LRRTM4: variants seen among roughly 807,000 people sequenced by gnomAD.
LRRTM4 encodes leucine-rich repeat transmembrane neuronal protein 4.
Under a neutral mutation model 47.6 loss-of-function variants are expected in LRRTM4, and 25 were observed. That is an observed-to-expected ratio of 0.53 (90% CI 0.38 to 0.73). The LOEUF is 0.73. Among genes scored for constraint, LRRTM4 ranks in the 30% least tolerant of loss-of-function variants. The pLI is 0.00. For synonymous variants in LRRTM4, 311 were observed against 269.5 expected (o/e 1.15, Z -1.51); for missense variants, 638 against 713.4 (o/e 0.89, Z 1.20).
intron 3 of LRRTM4, among the ~76,000 whole-genome samples, chr2:76,846,014 C>G (rs957812638): frequency 5.9e-5 from 9 of 151,974 alleles, no homozygotes; most frequent in African/African-American, 2.4e-5. Context: ...ACGGTATTTG[C>G]AGGATATAAA....
At chr2:77,046,944 T>C (rs1196688837) in intron 3 of LRRTM4, among the ~76,000 whole-genome samples, 2 of 152,040 alleles carry the variant, frequency 1.3e-5, no homozygotes, top group Non-Finnish European at 2.9e-5. Flanking sequence ...ACTGTTTTGA[T>C]TGCTAACTTG....
At chr2:76,904,643 T>G (rs868201717) in intron 3 of LRRTM4, among the ~76,000 whole-genome samples, 10 of 152,278 alleles carry the variant, frequency 6.6e-5, no homozygotes, top group Middle Eastern at 3.4e-3. Flanking sequence ...GGAATCTGCA[T>G]CAATGTTTTA....
intron 3 of LRRTM4, among the ~76,000 whole-genome samples, chr2:77,123,142 T>C (rs1208152635): frequency 1.3e-5 from 2 of 150,582 alleles, no homozygotes; most frequent in Non-Finnish European, 3.0e-5. Context: ...ATAGATCAGT[T>C]GACGCAAGAA....
chr2:77,079,138 G>A (rs1286024548), intron 3 of LRRTM4, among the ~76,000 whole-genome samples: 4 of 152,154 alleles, frequency 2.6e-5, no homozygotes, highest in African/African-American at 9.7e-5. Context: ...CAATAGCAAA[G>A]ACACTACAAG....
At chr2:77,233,396 G>C (rs1675018674) in intron 3 of LRRTM4, among the ~76,000 whole-genome samples, 1 of 152,090 alleles carries the variant, frequency 6.6e-6, no homozygotes, top group South Asian at 2.1e-4. Flanking sequence ...AAATATTAAA[G>C]TTACCTCCAT....
At chr2:77,331,162 T>C (rs1316550876) in intron 3 of LRRTM4, among the ~76,000 whole-genome samples, 2 of 152,210 alleles carry the variant, frequency 1.3e-5, no homozygotes, top group African/African-American at 2.4e-5. Flanking sequence ...TGTTTCTTCT[T>C]ATTCTATTTT....
At chr2:76,779,168 GCTTTA>G (rs1386756189) in intron 3 of LRRTM4, among the ~76,000 whole-genome samples, 2 of 152,018 alleles carry the variant, frequency 1.3e-5, no homozygotes, top group Non-Finnish European at 2.9e-5. Flanking sequence ...GCTGAGGAGA[GCTTTA>G]CTTCCAAGTA....
intron 3 of LRRTM4, among the ~76,000 whole-genome samples, chr2:76,804,202 A>G (rs1242421397): frequency 1.3e-5 from 2 of 152,216 alleles, no homozygotes; most frequent in Non-Finnish European, 2.9e-5. Context: ...CACCCCTGAC[A>G]CAGAGTGATA....
intron 3 of LRRTM4, among the ~76,000 whole-genome samples, chr2:76,767,257 A>G (rs898958849): frequency 6.6e-6 from 1 of 152,130 alleles, no homozygotes; most frequent in Non-Finnish European, 1.5e-5. Flanking sequence ...CATCATCTTA[A>G]TTTGTGTATT....
At chr2:76,899,851 A>T (rs1463363269) in intron 3 of LRRTM4, among the ~76,000 whole-genome samples, 1 of 152,194 alleles carries the variant, frequency 6.6e-6, no homozygotes, top group South Asian at 2.1e-4. Context: ...TTTGTTCATT[A>T]TGGAATCCTC....
chr2:76,790,945 T>C (rs748128370), intron 3 of LRRTM4, among the ~76,000 whole-genome samples: 2 of 152,136 alleles, frequency 1.3e-5, no homozygotes, highest in Non-Finnish European at 2.9e-5. Context: ...AGAATGTGTT[T>C]CCATATTTCA....
At chr2:77,068,406 G>T (rs1680033270) in intron 3 of LRRTM4, among the ~76,000 whole-genome samples, 1 of 151,914 alleles carries the variant, frequency 6.6e-6, no homozygotes. Flanking sequence ...TCTAATTTTG[G>T]ACCATTTCCT....
At chr2:76,939,438 AT>A (rs554112266) in intron 3 of LRRTM4, among the ~76,000 whole-genome samples, 1 of 151,760 alleles carries the variant, frequency 6.6e-6, no homozygotes, top group South Asian at 2.1e-4. Flanking sequence ...AATTACACAG[AT>A]TTTTTTGTCC....
At chr2:77,102,060 T>C (rs995835621) in intron 3 of LRRTM4, among the ~76,000 whole-genome samples, 7 of 152,210 alleles carry the variant, frequency 4.6e-5, no homozygotes, top group South Asian at 4.1e-4. Context: ...ACTATCTGTG[T>C]GTGCTGTTTC....
chr2:77,202,573 G>T (rs970977500), intron 3 of LRRTM4, among the ~76,000 whole-genome samples: 7 of 151,320 alleles, frequency 4.6e-5, no homozygotes, highest in African/African-American at 1.7e-4. Context: ...AGAAAGTCGA[G>T]CCTAAGAAGG....
chr2:76,769,852 TA>T (rs34425713), intron 3 of LRRTM4, among the ~76,000 whole-genome samples: 2 of 152,202 alleles, frequency 1.3e-5, no homozygotes, highest in East Asian at 3.8e-4. Context: ...CATGCCTAGA[TA>T]AAAAAGTGCA....
chr2:77,183,704 G>T (rs992710550), intron 3 of LRRTM4, among the ~76,000 whole-genome samples: 1 of 150,338 alleles, frequency 6.7e-6, no homozygotes, highest in Non-Finnish European at 1.5e-5. Context: ...ATGATAGACT[G>T]GATTAAGAAA....
chr2:77,147,326 A>G (rs577471425), intron 3 of LRRTM4, among the ~76,000 whole-genome samples: 5 of 152,290 alleles, frequency 3.3e-5, no homozygotes, highest in African/African-American at 1.2e-4. Context: ...AAATGTAATG[A>G]CTCAGCTCAG....
In LRRTM4 at chr2:77,432,559, G is replaced by A. The variant is rs116068694; in HGVS notation, c.1551+85759C>T. On this transcript the variant is annotated intron_variant, in intron 3 of 3. Transcript: ENST00000409884. Reference sequence around the variant, plus strand: ...TCTGCATTGGCAAAAGCCAGTCATCGACATATGGGATACAACATTCTCACT... The same window carrying A: ...TCTGCATTGGCAAAAGCCAGTCATCAACATATGGGATACAACATTCTCACT... 5.1e-3 allele frequency among the ~76,000 whole-genome samples: 776 copies of A among 152,300 alleles called. 9 individuals carry two copies. Among genetic ancestry groups the A allele is most frequent in the African/African-American group, 0.018 (742 of 41,546 alleles).
Sources: gnomAD v4.1 joint callset for allele counts (sites outside exome capture counted in the v4.1 genomes callset) on GRCh38, gnomAD v4.1.1 for gene constraint, MANE v1.5 for transcripts, NCBI Gene and HGNC (gene_info 2026-07-23, HGNC 2026-07-21) for gene names.